Variants in SCFD1 observed in about 807,000 individuals in gnomAD.
The protein encoded by SCFD1 is sec1 family domain containing 1.
Under a neutral mutation model 103.2 loss-of-function variants are expected in SCFD1, and 37 were observed. That is an observed-to-expected ratio of 0.36 (90% confidence interval 0.28 to 0.47). The LOEUF (loss-of-function observed/expected upper bound fraction) is 0.47, where lower values mean the gene tolerates loss of function less well. Among genes scored for constraint, SCFD1 ranks in the 20% least tolerant of loss-of-function variants. SCFD1 has a pLI of 1.00. For missense variants in SCFD1, 639 were observed against 761.2 expected (o/e 0.84, Z 1.89); for synonymous variants, 264 against 245.0 (o/e 1.08, Z -0.73).
intron 3 of SCFD1, among the ~76,000 whole-genome samples, chr14:30,632,566 GT>G (rs1182228463): frequency 1.3e-5 from 2 of 152,140 alleles, no homozygotes; most frequent in Non-Finnish European, 2.9e-5. Flanking sequence ...CTTTGATAAT[GT>G]GTTAATTTTT....
At chr14:30,643,265 A>G in intron 6 of SCFD1, 51 bp from the exon 7 acceptor site, 1 of 1,059,640 alleles carries the variant, frequency 9.4e-7, no homozygotes. Context: ...TTTTAGAAAG[A>G]TGAGGCATAA....
At chr14:30,639,906 T>C in intron 6 of SCFD1, 42 bp downstream of exon 6, 2 of 1,550,534 alleles carry the variant, frequency 1.3e-6, no homozygotes, top group South Asian at 2.4e-5. Context: ...GTTAACAAAA[T>C]GAATGGTATA....
At chr14:30,668,080 C>G (rs1371685184) in intron 10 of SCFD1, among the ~76,000 whole-genome samples, 1 of 152,122 alleles carries the variant, frequency 6.6e-6, no homozygotes, top group Non-Finnish European at 1.5e-5. Flanking sequence ...AAAAAGAGCC[C>G]GCATTGCCAA....
chr14:30,650,543 A>C (rs763330120), intron 8 of SCFD1, 22 bp from the exon 9 acceptor site: 2 of 1,359,182 alleles, frequency 1.5e-6, no homozygotes, highest in South Asian at 1.2e-5. Flanking sequence ...GTTAAGAGTT[A>C]ATCTAAAATT....
intron 10 of SCFD1, among the ~76,000 whole-genome samples, chr14:30,661,628 G>T (rs230350): frequency 0.082 from 12,407 of 152,070 alleles, 841 homozygotes; most frequent in African/African-American, 0.18. Flanking sequence ...TGATGTCTCC[G>T]TAAGAAATAG....
Position 30,673,271 on chromosome 14 carries a change from T to C in SCFD1, c.1010T>C (p.Val337Ala). ...TACTGTTTTAGTCCATTCCCAGAAGTTGCAGAATCAGTTCAGCAAGAACTA... is the reference window on the plus strand; with the variant it reads ...TACTGTTTTAGTCCATTCCCAGAAGCTGCAGAATCAGTTCAGCAAGAACTA... ...QKHKGSPFPE[V>A]AESVQQELES... The change falls in exon 12 of 25, where the codon GTT becomes GCT. Residue 337 changes from valine (V) to alanine (A), a missense_variant. By Grantham distance (64) the Val-to-Ala change is moderately conservative. Transcript: ENST00000458591. 1.9e-6 allele frequency: 3 copies of C among 1,591,650 alleles called. No individual in the cohort carries two copies. Among genetic ancestry groups the C allele is most frequent in the Non-Finnish European group, 2.6e-6 (3 of 1,166,768 alleles).
intron 1 of SCFD1, among the ~76,000 whole-genome samples, chr14:30,624,712 C>A (rs1883206809): frequency 2.0e-5 from 3 of 152,150 alleles, no homozygotes; most frequent in African/African-American, 7.2e-5. Flanking sequence ...CAAAATCTTC[C>A]AGCATCTTCC....
At chr14:30,680,630 C>G (rs1032681894) in intron 14 of SCFD1, among the ~76,000 whole-genome samples, 1 of 152,136 alleles carries the variant, frequency 6.6e-6, no homozygotes, top group Non-Finnish European at 1.5e-5. Context: ...ATAATTTAAA[C>G]TGAAAAATAA....
intron 4 of SCFD1, chr14:30,634,792 T>C (rs1211273860): frequency 2.2e-6 from 1 of 456,040 alleles, no homozygotes; most frequent in South Asian, 1.5e-5. Context: ...GCTGCGCCTG[T>C]AGGCATCAAA....
intron 9 of SCFD1, among the ~76,000 whole-genome samples, chr14:30,653,044 C>T (rs1419229146): frequency 4.6e-5 from 7 of 151,998 alleles, no homozygotes; most frequent in Non-Finnish European, 1.0e-4. Flanking sequence ...AATCTGGCAT[C>T]ATACACAAGC....
chr14:30,725,406 A>C (rs1892973688), intron 23 of SCFD1, among the ~76,000 whole-genome samples: 1 of 151,926 alleles, frequency 6.6e-6, no homozygotes, highest in Non-Finnish European at 1.5e-5. Flanking sequence ...TCACCTCCCT[A>C]GTTAGCTGTT....
intron 10 of SCFD1, among the ~76,000 whole-genome samples, chr14:30,668,623 TG>T (rs1888242299): frequency 1.3e-5 from 2 of 152,106 alleles, no homozygotes; most frequent in African/African-American, 4.8e-5. Context: ...GCCTACAGAA[TG>T]GGAGAAAATT....
intron 11 of SCFD1, among the ~76,000 whole-genome samples, chr14:30,672,195 G>C (rs186094999): frequency 1.3e-5 from 2 of 152,176 alleles, no homozygotes; most frequent in African/African-American, 4.8e-5. Context: ...CCCTGAGAGG[G>C]TAAGAGCTTG....
At chr14:30,716,376 T>C (rs934548846) in intron 20 of SCFD1, among the ~76,000 whole-genome samples, 4 of 152,200 alleles carry the variant, frequency 2.6e-5, no homozygotes, top group Admixed American at 6.5e-5. Flanking sequence ...GTAAAAATGT[T>C]AAGTACATAT....
At position 30,691,529 on chromosome 14, in the gene SCFD1, C is replaced by T. The variant is rs926104759; in HGVS notation, c.1243-3244C>T. ...AGGTTAGAAAATCTGTATAGCACTT[C>T]ACTCCTTTTCCTCTTGGATGGTGCT... is the stretch of plus-strand genomic sequence containing the variant. On this transcript the variant is annotated intron_variant, in intron 14 of 24. Coordinates refer to ENST00000458591, the MANE Select transcript of SCFD1 (RefSeq NM_016106.4). Among the ~76,000 whole-genome samples, 12 of 152,300 alleles carry T rather than the reference C, an allele frequency of 7.9e-5. 1 individual carries two copies. The highest frequency in any genetic ancestry group is 7.2e-4 in the Admixed American group (11 of 15,304).
rs376876038 is a variant in SCFD1 at position 30,734,801 on chromosome 14, C to T, written c.1848C>T (p.Gly616=). The part of the protein sequence containing the change: ...NLVDYIKGKQ[G]KHILYGCSEL... ...TCTGATTTTTACAGGGGAAACAAGG[C>T]AAACACATTTTATATGGCTGCAGTG... Residue 616 remains glycine (G), a synonymous_variant, in exon 24 of 25, where the codon GGC becomes GGT. Transcript: ENST00000458591. The T allele has an allele frequency of 6.2e-6, 10 of 1,612,718 alleles. No individual in the cohort carries two copies. In the African/African-American group the frequency reaches 1.1e-4, roughly 17 times the overall value.
At chr14:30,632,046 GAA>G (rs61645782) in intron 3 of SCFD1, among the ~76,000 whole-genome samples, 1,436 of 70,190 alleles carry the variant, frequency 0.02, 36 homozygotes, top group African/African-American at 0.074. Flanking sequence ...AGATTCTGTT[GAA>G]AAAAAAAAAA....
At chr14:30,684,481 A>C in intron 14 of SCFD1, among the ~76,000 whole-genome samples, 1 of 152,172 alleles carries the variant, frequency 6.6e-6, no homozygotes. Flanking sequence ...TGTTAATTTG[A>C]TATAATATAA....
At chr14:30,680,391 A>G (rs992850917) in intron 14 of SCFD1, among the ~76,000 whole-genome samples, 3 of 152,096 alleles carry the variant, frequency 2.0e-5, no homozygotes, top group African/African-American at 4.8e-5. Context: ...TCACTGTTAC[A>G]TAAGATATTT....
Sources: allele counts gnomAD v4.1 joint callset (sites outside exome capture counted in the v4.1 genomes callset), GRCh38; gene constraint gnomAD v4.1.1; transcripts MANE v1.5; gene names NCBI Gene and HGNC (gene_info 2026-07-23, HGNC 2026-07-21).